The following TAC3 variants were observed in gnomAD, a reference collection of about 807,000 sequenced individuals.
TAC3 encodes the protein tachykinin-3.
In TAC3, 9 loss-of-function variants were observed where a neutral mutation model predicts 16.5. The observed-to-expected ratio is 0.55, with a 90% CI of 0.33 to 0.95. The LOEUF (loss-of-function observed/expected upper bound fraction) is 0.95, where lower values mean the gene tolerates loss of function less well. Ranked by LOEUF, TAC3 falls within the 40% of genes least tolerant of loss-of-function variation. The pLI is 0.03. For synonymous variants in TAC3, 52 were observed against 56.7 expected (o/e 0.92, Z 0.37); for missense variants, 129 against 149.1 (o/e 0.87, Z 0.70).
intron 2 of TAC3, among the ~76,000 whole-genome samples, chr12:57,014,534 G>A (rs1956346727): frequency 6.6e-6 from 1 of 152,146 alleles, no homozygotes; most frequent in Non-Finnish European, 1.5e-5. Flanking sequence ...AGGAGAAGGG[G>A]TAGGATGGCA....
intron 6 of TAC3, 98 bp from the exon 7 acceptor site, chr12:57,010,386 G>A: frequency 5.6e-6 from 2 of 355,012 alleles, no homozygotes; most frequent in South Asian, 4.4e-5. Context: ...GGCAGCAGGA[G>A]AGAAGGGGAG....
rs138118215 is a variant in TAC3 at position 57,015,590 on chromosome 12, AC to A, written c.114+93del. 1,214 of 1,096,990 alleles carry A rather than the reference AC, an allele frequency of 1.1e-3. 13 individuals carry two copies. In the East Asian group the frequency reaches 0.025, roughly 23 times the overall value. The allele number at this position is 1,096,990 out of a possible 1,614,324, so 68.0% of individuals were successfully genotyped here. ...GAGGCAAAATGCCCTCTGACGGACAACCCCCCCACCCCAGTTTCCTCACTAC... is the reference window on the plus strand; with the variant it reads ...GAGGCAAAATGCCCTCTGACGGACAACCCCCCACCCCAGTTTCCTCACTAC... On this transcript the variant is annotated intron_variant, in intron 2 of 6. Transcript: ENST00000458521.
intron 1 of TAC3, 96 bp from the exon 2 acceptor site, chr12:57,015,898 C>A: frequency 9.8e-7 from 1 of 1,017,456 alleles, no homozygotes; most frequent in South Asian, 1.3e-5. Flanking sequence ...AGCAGCTTGG[C>A]TTGACCCTGC....
At position 57,013,346 on chromosome 12, in the gene TAC3, A is replaced by G. The variant is rs770503239; in HGVS notation, c.238+13T>C. 1.2e-6 allele frequency: 2 copies of G among 1,614,044 alleles called. No individual in the cohort carries two copies. Among genetic ancestry groups the G allele is most frequent in the South Asian group, 1.1e-5 (1 of 91,078 alleles). ...AAGTGGCAAGAGATAGGGAGGGAGA[A>G]GAGGGTACTTACGTTTCTCGGGAGA... On this transcript the variant is annotated intron_variant, in intron 4 of 6. Coordinates refer to ENST00000458521, the MANE Select transcript of TAC3 (RefSeq NM_013251.4).
intron 2 of TAC3, among the ~76,000 whole-genome samples, chr12:57,013,943 C>G (rs1410255580): frequency 1.3e-5 from 2 of 151,892 alleles, no homozygotes; most frequent in Non-Finnish European, 2.9e-5. Flanking sequence ...TTTTAAGCAG[C>G]CCCCCAGGTG....
At chr12:57,015,041 C>T (rs979365671) in intron 2 of TAC3, among the ~76,000 whole-genome samples, 1 of 152,070 alleles carries the variant, frequency 6.6e-6, no homozygotes. Context: ...TATTCTTTTT[C>T]GTAAAGGAAC....
At position 57,012,381 on chromosome 12, in the gene TAC3, A is replaced by C. The variant is rs1956311409; in HGVS notation, c.364T>G (p.Ter122GluextTer11). ...CTCTCTAATGAACAATCCTTACCCT[A>C]TTCTGCTCTCGGGGGATACTTGAGG... ...GILKYPPRAE[*>E] Residue 122 changes from the stop codon to glutamate, a stop_lost, in exon 6 of 7, where the codon TAG (stop) becomes GAG (glutamate). Coordinates refer to ENST00000458521, the MANE Select transcript of TAC3 (RefSeq NM_013251.4). 1 of 1,612,432 alleles carries C rather than the reference A, an allele frequency of 6.2e-7. No homozygotes were observed. The highest frequency in any genetic ancestry group is 8.5e-7 in the Non-Finnish European group (1 of 1,179,462).
chr12:57,013,683 A>G lies in TAC3; in HGVS notation c.115-12T>C. On this transcript the variant is annotated splice_polypyrimidine_tract_variant and intron_variant, in intron 2 of 6. Transcript: ENST00000458521. ...AGATCTGGATCCCTCTAGGGAAGAAACAAAGAGGGGTGAGGCAGGAGGCTC... is the reference window on the plus strand; with the variant it reads ...AGATCTGGATCCCTCTAGGGAAGAAGCAAAGAGGGGTGAGGCAGGAGGCTC... 1 of 1,606,682 alleles carries G rather than the reference A, an allele frequency of 6.2e-7. No individual in the cohort carries two copies. The highest frequency in any genetic ancestry group is 8.5e-7 in the Non-Finnish European group (1 of 1,175,560).
chr12:57,012,486 T>G, intron 5 of TAC3, 34 bp from the exon 6 acceptor site: 1 of 1,612,684 alleles, frequency 6.2e-7, no homozygotes, highest in African/African-American at 1.3e-5. Context: ...GTAAGAGGGA[T>G]CTTTCTGAAT....
At position 57,013,032 on chromosome 12, in the gene TAC3, C is replaced by G. The variant is rs550773520; in HGVS notation, c.239-157G>C. ...AGTTAGCAAGTGCCTCCCCTAAACCCACTCTCTCTGCTCACCTTTCCTTCC... is the reference window on the plus strand; with the variant it reads ...AGTTAGCAAGTGCCTCCCCTAAACCGACTCTCTCTGCTCACCTTTCCTTCC... On this transcript the variant is annotated intron_variant, in intron 4 of 6. Coordinates refer to ENST00000458521, the MANE Select transcript of TAC3 (RefSeq NM_013251.4). 2.4e-5 allele frequency: 22 copies of G among 913,236 alleles called. No homozygotes were observed. The East Asian group carries it at 5.7e-4, about 24-fold the overall frequency. The allele number at this position is 913,236 out of a possible 1,614,324, so 56.6% of individuals were successfully genotyped here.
chr12:57,012,794 C>A, intron 5 of TAC3, 28 bp downstream of exon 5: 1 of 1,614,118 alleles, frequency 6.2e-7, no homozygotes, highest in Non-Finnish European at 8.5e-7. Flanking sequence ...ACCCTAAGCC[C>A]TTCCACTGTA....
rs752721812 is a variant in TAC3, at chr12:57,012,854, A to T, written c.260T>A (p.Val87Glu). The T allele has an allele frequency of 1.2e-6, 2 of 1,614,192 alleles. No homozygotes were observed. Residue 87 changes from valine (V) to glutamate (E), a missense_variant, in exon 5 of 7, where the codon GTG becomes GAG. By Grantham distance (121) the Val-to-Glu change is moderately radical. Transcript: ENST00000458521. ...PEKRDMHDFF[V>E]GLMGKRSVQP... ...GACGCTCCTCTTGCCCATAAGTCCC[A>T]CAAAGAAGTCATGCATGTCACCTGC...
In TAC3 at chr12:57,010,127, A is replaced by G. The variant is rs1056269243; in HGVS notation, c.*163T>C. ...TTGGGGTTGGGGATATTCACTATGCAGTTTCCACACCAGGGTCAGGTAGAA... is the reference window on the plus strand; with the variant it reads ...TTGGGGTTGGGGATATTCACTATGCGGTTTCCACACCAGGGTCAGGTAGAA... On this transcript the variant is annotated 3_prime_UTR_variant, in exon 7 of 7. Coordinates refer to ENST00000458521, the MANE Select transcript of TAC3 (RefSeq NM_013251.4). 4.4e-6 allele frequency: 2 copies of G among 454,090 alleles called. No individual in the cohort carries two copies. The highest frequency in any genetic ancestry group is 2.0e-5 in the African/African-American group (1 of 50,104). 28.1% of individuals were successfully genotyped at this position (454,090 alleles called of 1,614,324 possible). A position where few individuals can be genotyped will look rare whatever the true frequency, so the allele number is the denominator to read the frequency against.
chr12:57,014,705 G>GTT (rs58661415), intron 2 of TAC3, among the ~76,000 whole-genome samples: 2,847 of 147,030 alleles, frequency 0.019, 97 homozygotes, highest in African/African-American at 0.066. Context: ...TCCCCTGGGT[G>GTT]TTTTTTTTTT....
In TAC3 at chr12:57,012,411, C is replaced by T; in HGVS notation, c.334G>A (p.Gly112Ser). ...GCTCTCGGGGGATACTTGAGGATGC[C>T]AAAGCTGGGGACGTTCTCTTGATTC... ...DVNQENVPSF[G>S]ILKYPPRAE Residue 112 changes from glycine (G) to serine (S), a missense_variant, in exon 6 of 7, where the codon GGC (glycine) becomes AGC (serine). By Grantham distance (56) the Gly-to-Ser change is moderately conservative. Coordinates refer to ENST00000458521, the MANE Select transcript of TAC3 (RefSeq NM_013251.4). The T allele has an allele frequency of 1.2e-6, 2 of 1,613,996 alleles. No homozygotes were observed. The highest frequency in any genetic ancestry group is 1.7e-6 in the Non-Finnish European group (2 of 1,179,982).
intron 2 of TAC3, among the ~76,000 whole-genome samples, chr12:57,014,427 A>G (rs1174229946): frequency 6.6e-6 from 1 of 152,088 alleles, no homozygotes; most frequent in Non-Finnish European, 1.5e-5. Flanking sequence ...GTGCATTTAC[A>G]CAGAACACAC....
intron 6 of TAC3, among the ~76,000 whole-genome samples, chr12:57,011,739 GAA>G (rs1186160137): frequency 6.6e-6 from 1 of 152,222 alleles, no homozygotes; most frequent in Non-Finnish European, 1.5e-5. Flanking sequence ...TGAGGAAACT[GAA>G]GCACAGGAGG....
Position 57,010,073 on chromosome 12 carries a change from A to G in TAC3, c.*217T>C, listed in dbSNP as rs1419969022. The G allele has an allele frequency of 6.6e-6, 3 of 453,588 alleles. No homozygotes were observed. Among genetic ancestry groups the G allele is most frequent in the South Asian group, 3.1e-5 (2 of 64,432 alleles). The allele number at this position is 453,588 out of a possible 1,614,324, so 28.1% of individuals were successfully genotyped here. On this transcript the variant is annotated 3_prime_UTR_variant, in exon 7 of 7. Transcript: ENST00000458521. ...ATTTTTAATGTAGGACACTACAGGA[A>G]CTCTAGGGTATTCTACAGTCAATGC... is the stretch of plus-strand genomic sequence containing the variant.
intron 1 of TAC3, 60 bp downstream of exon 1, chr12:57,016,327 C>T (rs901119556): frequency 1.0e-5 from 4 of 390,496 alleles, no homozygotes; most frequent in South Asian, 3.7e-5. Flanking sequence ...TCCCTCCTGA[C>T]GCTGGCTCCT....
Sources: gnomAD v4.1 joint callset for allele counts (sites outside exome capture counted in the v4.1 genomes callset) on GRCh38, gnomAD v4.1.1 for gene constraint, MANE v1.5 for transcripts, NCBI Gene and HGNC (gene_info 2026-07-23, HGNC 2026-07-21) for gene names.